KIZ: variants seen among roughly 807,000 people sequenced by gnomAD.
The protein encoded by KIZ is centrosomal protein kizuna.
Under a neutral mutation model 79.6 loss-of-function variants are expected in KIZ, and 68 were observed. The observed-to-expected ratio is 0.85, with a 90% CI of 0.70 to 1.05. The LOEUF (loss-of-function observed/expected upper bound fraction) is 1.05. KIZ is among the 50% of genes least tolerant of loss of function. The pLI is 0.00. For missense variants in KIZ, 797 were observed against 800.4 expected, an observed-to-expected ratio of 1.00 and a Z score of 0.05; for synonymous variants, 280 against 281.8, an observed-to-expected ratio of 0.99 and a Z score of 0.06.
chr20:21,218,472 A>G (rs765526116), intron 9 of KIZ: 4 of 152,254 alleles, frequency 2.6e-5, no homozygotes, highest in African/African-American at 4.8e-5. Flanking sequence ...AAATACATCA[A>G]TTAATACATA....
At chr20:21,134,397 T>A (rs2032045229) in intron 2 of KIZ, among the ~76,000 whole-genome samples, 1 of 152,132 alleles carries the variant, frequency 6.6e-6, no homozygotes, top group African/African-American at 2.4e-5. Flanking sequence ...TTGGGGCAAT[T>A]ACTCCAACAT....
chr20:21,132,364 C>A (rs527498360), intron 2 of KIZ, among the ~76,000 whole-genome samples: 1 of 152,216 alleles, frequency 6.6e-6, no homozygotes, highest in East Asian at 1.9e-4. Context: ...CCTCTGCCTC[C>A]CAGGTTCAAG....
intron 7 of KIZ, among the ~76,000 whole-genome samples, chr20:21,208,829 A>G (rs1173444515): frequency 1.3e-5 from 2 of 152,208 alleles, no homozygotes; most frequent in African/African-American, 4.8e-5. Context: ...CTGAAGGACA[A>G]AATGCTTTTG....
chr20:21,244,444 T>G, intron 12 of KIZ, 156 bp downstream of exon 12: 1 of 632,080 alleles, frequency 1.6e-6, no homozygotes, highest in South Asian at 2.0e-5. Context: ...ACCTGAGGGC[T>G]TCTGGAGGCT....
chr20:21,245,094 C>T (rs1354099591), intron 12 of KIZ: 1 of 152,236 alleles, frequency 6.6e-6, no homozygotes, highest in African/African-American at 2.4e-5. Context: ...CTCCTGTCTC[C>T]TTAAACCCCT....
At chr20:21,137,469 C>T (rs975785936) in intron 3 of KIZ, among the ~76,000 whole-genome samples, 3 of 149,986 alleles carry the variant, frequency 2.0e-5, no homozygotes, top group Admixed American at 6.6e-5. Context: ...ACTGAGCCCC[C>T]CTACCTTTTT....
intron 9 of KIZ, among the ~76,000 whole-genome samples, chr20:21,219,590 T>C (rs1485620186): frequency 3.3e-5 from 5 of 152,198 alleles, no homozygotes; most frequent in Non-Finnish European, 7.4e-5. Context: ...AGTTCTGGGA[T>C]TATAGGCATG....
At chr20:21,145,225 A>T (rs1169158010) in intron 3 of KIZ, among the ~76,000 whole-genome samples, 1 of 151,896 alleles carries the variant, frequency 6.6e-6, no homozygotes, top group South Asian at 2.1e-4. Context: ...TGCTACTTTC[A>T]TAATAAAGGA....
intron 4 of KIZ, among the ~76,000 whole-genome samples, chr20:21,159,991 T>G (rs539990382): frequency 1.2e-4 from 18 of 152,330 alleles, no homozygotes; most frequent in African/African-American, 4.3e-4. Context: ...GATTCTAATT[T>G]CTCCACATCC....
chr20:21,189,951 A>G (rs991491965), intron 6 of KIZ, among the ~76,000 whole-genome samples: 4 of 152,230 alleles, frequency 2.6e-5, no homozygotes, highest in African/African-American at 9.6e-5. Context: ...AGATTGAGGT[A>G]GCCACAAAAA....
chr20:21,208,531 G>A lies in KIZ; in HGVS notation c.1446+2947G>A, dbSNP rs141726120. 7.6e-3 allele frequency among the ~76,000 whole-genome samples: 1,149 copies of A among 152,178 alleles called. 20 individuals carry two copies. Among genetic ancestry groups the A allele is most frequent in the African/African-American group, 0.027 (1,101 of 41,514 alleles). On this transcript the variant is annotated intron_variant, in intron 7 of 12. Coordinates refer to ENST00000619189, the MANE Select transcript of KIZ (RefSeq NM_018474.6). ...ATCTTGGCTAACACGGTGAAACCCC[G>A]TCTCTACTAAAAATACAAAAAATTA...
chr20:21,233,786 C>T (rs2123456554), intron 11 of KIZ, among the ~76,000 whole-genome samples: 1 of 151,872 alleles, frequency 6.6e-6, no homozygotes, highest in East Asian at 1.9e-4. Flanking sequence ...TTTTTAGAAC[C>T]TGGAGTATAT....
At chr20:21,226,888 AC>A (rs1335327745) in intron 9 of KIZ, among the ~76,000 whole-genome samples, 6 of 152,136 alleles carry the variant, frequency 3.9e-5, no homozygotes, top group Non-Finnish European at 7.4e-5. Context: ...AGGATGAAAC[AC>A]CAGTGAGGTG....
chr20:21,236,746 G>T (rs1311264650), intron 11 of KIZ, among the ~76,000 whole-genome samples: 2 of 152,144 alleles, frequency 1.3e-5, no homozygotes, highest in Admixed American at 6.5e-5. Flanking sequence ...TGTAATCCCA[G>T]CACTTTGGGA....
At chr20:21,132,034 T>A (rs951285912) in intron 1 of KIZ, 63 bp from the exon 2 acceptor site, 28 of 729,282 alleles carry the variant, frequency 3.8e-5, no homozygotes, top group Middle Eastern at 2.4e-4. Flanking sequence ...AAGAAGAGCA[T>A]GGTCTAAATC....
chr20:21,183,999 G>A (rs2034769591), intron 6 of KIZ, among the ~76,000 whole-genome samples: 1 of 152,210 alleles, frequency 6.6e-6, no homozygotes, highest in Non-Finnish European at 1.5e-5. Context: ...CAAGGGCAGA[G>A]TCCATTGGCT....
intron 9 of KIZ, among the ~76,000 whole-genome samples, chr20:21,221,442 G>A (rs189763940): frequency 2.0e-5 from 3 of 152,116 alleles, no homozygotes; most frequent in Admixed American, 2.0e-4. Flanking sequence ...CCCACCCCAC[G>A]TGCCCATCCT....
At position 21,162,399 on chromosome 20, in the gene KIZ, G is replaced by A; in HGVS notation, c.934G>A (p.Glu312Lys). The change falls in exon 5 of 13, where the codon GAG (glutamate) becomes AAG (lysine). Residue 312 changes from glutamate (E) to lysine (K), a missense_variant. Physicochemically the swap from Glu to Lys is moderately conservative, Grantham distance 56. Transcript: ENST00000619189. ...ACTGACACGGGAACATATTGAAGTT[G>A]AGGAAAAAAGAGCCAGCCCGCCAGT... ...EILTREHIEV[E>K]EKRASPPVSP... The A allele has an allele frequency of 6.2e-7, 1 of 1,613,048 alleles. No homozygotes were observed. The highest frequency in any genetic ancestry group is 8.5e-7 in the Non-Finnish European group (1 of 1,179,442).
chr20:21,135,214 A>T (rs2032114989), intron 2 of KIZ, among the ~76,000 whole-genome samples: 1 of 152,138 alleles, frequency 6.6e-6, no homozygotes, highest in Non-Finnish European at 1.5e-5. Context: ...TTTGAAGGTT[A>T]ATGTGGTAGC....
Sources: allele counts gnomAD v4.1 joint callset (sites outside exome capture counted in the v4.1 genomes callset), GRCh38; gene constraint gnomAD v4.1.1; transcripts MANE v1.5; gene names NCBI Gene and HGNC (gene_info 2026-07-23, HGNC 2026-07-21).